DNAH6: variants seen among roughly 807,000 people sequenced by gnomAD.
DNAH6 encodes dynein axonemal heavy chain 6.
Under a neutral mutation model 491.4 loss-of-function variants are expected in DNAH6, and 340 were observed. The observed-to-expected ratio is 0.69, with a 90% CI of 0.63 to 0.76. DNAH6 has a LOEUF of 0.76. DNAH6 is among the 30% of genes least tolerant of loss of function. DNAH6 has a pLI of 0.00. For missense variants in DNAH6, 4,443 were observed against 4,972.2 expected (o/e 0.89, Z 3.20); for synonymous variants, 1,603 against 1,686.1 (o/e 0.95, Z 1.21).
At chr2:84,817,202 T>C (rs985772402) in intron 76 of DNAH6, among the ~76,000 whole-genome samples, 1 of 149,744 alleles carries the variant, frequency 6.7e-6, no homozygotes, top group Admixed American at 6.6e-5. Context: ...AAAAAAATGC[T>C]CAAAATAACC....
chr2:84,566,679 G>A lies in DNAH6; in HGVS notation c.1804-6788G>A, dbSNP rs149132380. 2.0e-4 allele frequency among the ~76,000 whole-genome samples: 31 copies of A among 151,838 alleles called. No individual in the cohort carries two copies. The East Asian group carries it at 2.5e-3, about 12-fold the overall frequency. On this transcript the variant is annotated intron_variant, in intron 11 of 76. Transcript: ENST00000389394. Reference sequence around the variant, plus strand: ...ATAAAGCTTATATGCATAAATAGACGTCTAAGAATAACTACCAAAAATGTT... The same window carrying A: ...ATAAAGCTTATATGCATAAATAGACATCTAAGAATAACTACCAAAAATGTT...
chr2:84,620,669 T>C, intron 24 of DNAH6, among the ~76,000 whole-genome samples: 1 of 152,174 alleles, frequency 6.6e-6, no homozygotes, highest in East Asian at 1.9e-4. Flanking sequence ...TTGATCCTCT[T>C]GCAAAAGAAT....
intron 20 of DNAH6, 49 bp downstream of exon 20, chr2:84,605,641 C>G (rs1436475587): frequency 4.1e-6 from 5 of 1,211,532 alleles, no homozygotes; most frequent in Non-Finnish European, 5.9e-6. Flanking sequence ...CCAGCCACAC[C>G]TAGTCTTAAA....
chr2:84,578,298 T>C (rs536756405), intron 13 of DNAH6, among the ~76,000 whole-genome samples: 4 of 152,246 alleles, frequency 2.6e-5, no homozygotes, highest in South Asian at 4.1e-4. Flanking sequence ...TAATTATGTA[T>C]ATAATTGGAG....
intron 37 of DNAH6, among the ~76,000 whole-genome samples, chr2:84,659,529 A>T (rs1266500007): frequency 1.3e-5 from 2 of 152,224 alleles, no homozygotes; most frequent in Non-Finnish European, 2.9e-5. Flanking sequence ...TGACTAAATA[A>T]GTAAATATGT....
intron 4 of DNAH6, among the ~76,000 whole-genome samples, chr2:84,536,450 C>T (rs1048806790): frequency 4.6e-5 from 7 of 152,032 alleles, no homozygotes; most frequent in Non-Finnish European, 5.9e-5. Context: ...ATTTTTTAGA[C>T]GCTGCTGTGG....
Position 84,584,024 on chromosome 2 carries a change from A to C in DNAH6, c.2255A>C (p.Asn752Thr), listed in dbSNP as rs144590580. The C allele has an allele frequency of 6.2e-7, 1 of 1,614,154 alleles. No individual in the cohort carries two copies. Among genetic ancestry groups the C allele is most frequent in the Non-Finnish European group, 8.5e-7 (1 of 1,179,996 alleles). Residue 752 changes from asparagine to threonine, a missense_variant, in exon 15 of 77, where the codon AAT (asparagine) becomes ACT (threonine). Physicochemically the swap from Asn to Thr is moderately conservative, Grantham distance 65 (BLOSUM62 0). This residue lies in a region of DNAH6 where 2,977 missense variants were observed against 3,296.6 expected (regional missense o/e 0.90). Coordinates refer to ENST00000389394, the MANE Select transcript of DNAH6 (RefSeq NM_001370.2). ...ATTGAAAGCCTTGAAGATGAGGGGA[A>C]TATAGTGACTCAAATGTACAAGCTT... ...ERIESLEDEGNIVTQMYKLME... is the reference protein window; with the variant it reads ...ERIESLEDEGTIVTQMYKLME...
chr2:84,476,542 T>C, the DNAH6 span, among the ~76,000 whole-genome samples: 2 of 152,226 alleles, frequency 1.3e-5, no homozygotes, highest in East Asian at 3.8e-4. Context: ...TTCCTCACAT[T>C]CAGAATCTGA....
rs372662006 is a variant in DNAH6 at position 84,632,815 on chromosome 2, C to T, written c.4516-1689C>T. Among the ~76,000 whole-genome samples, 17 of 152,144 alleles carry T rather than the reference C, an allele frequency of 1.1e-4. No homozygotes were observed. The South Asian group carries it at 2.1e-3, about 19-fold the overall frequency. On this transcript the variant is annotated intron_variant, in intron 29 of 76. Transcript: ENST00000389394. ...TTGTTTTATTTTAGGAATGTGTTTC[C>T]CTCCCAGATCTCTCTGAGGATTCCA...
the DNAH6 span, among the ~76,000 whole-genome samples, chr2:84,507,570 C>A: frequency 6.6e-6 from 1 of 152,072 alleles, no homozygotes; most frequent in Non-Finnish European, 1.5e-5. Flanking sequence ...CTTTCTCCTG[C>A]CTGATTGCCC....
At chr2:84,515,774 G>A (rs1031359974), upstream of DNAH6, among the ~76,000 whole-genome samples, 1 of 152,154 alleles carries the variant, frequency 6.6e-6, no homozygotes, top group African/African-American at 2.4e-5. Context: ...GCCTTCGATG[G>A]GGTCGCTCCA....
chr2:84,589,982 A>T, intron 16 of DNAH6, among the ~76,000 whole-genome samples: 1 of 152,082 alleles, frequency 6.6e-6, no homozygotes, highest in Non-Finnish European at 1.5e-5. Context: ...AGAGCCCCAG[A>T]TGGATGACCA....
chr2:84,737,916 G>A (rs1171106960), intron 62 of DNAH6, among the ~76,000 whole-genome samples: 1 of 151,626 alleles, frequency 6.6e-6, no homozygotes. Context: ...TTAGGTACAA[G>A]GTTAGTTTGT....
intron 26 of DNAH6, 71 bp from the exon 27 acceptor site, chr2:84,624,194 G>T: frequency 7.4e-7 from 1 of 1,346,008 alleles, no homozygotes; most frequent in Non-Finnish European, 9.9e-7. Context: ...CAAATTGAAT[G>T]GTGAAAGAGA....
chr2:84,753,004 A>G (rs1394670135), intron 63 of DNAH6, among the ~76,000 whole-genome samples: 1 of 152,190 alleles, frequency 6.6e-6, no homozygotes, highest in Admixed American at 6.5e-5. Context: ...AGGCTGTATC[A>G]TTTTACATTC....
intron 36 of DNAH6, 140 bp from the exon 37 acceptor site, chr2:84,658,886 G>A (rs572590110): frequency 1.0e-5 from 5 of 498,152 alleles, no homozygotes; most frequent in East Asian, 3.4e-5. Flanking sequence ...ACCATTGAGT[G>A]AAGTATAAGA....
the DNAH6 span, among the ~76,000 whole-genome samples, chr2:84,496,249 T>G: frequency 1.3e-5 from 2 of 152,240 alleles, no homozygotes; most frequent in Admixed American, 1.3e-4. Flanking sequence ...ACTTTAAGCC[T>G]TCTTATGCTA....
intron 46 of DNAH6, 24 bp from the exon 47 acceptor site, chr2:84,697,551 A>T: frequency 6.5e-7 from 1 of 1,527,892 alleles, no homozygotes; most frequent in Non-Finnish European, 8.8e-7. Flanking sequence ...AGCAAGTTGT[A>T]ATGATCACTG....
intron 62 of DNAH6, among the ~76,000 whole-genome samples, chr2:84,742,478 G>C (rs1281395874): frequency 6.6e-6 from 1 of 152,130 alleles, no homozygotes; most frequent in Non-Finnish European, 1.5e-5. Context: ...GGTGCTACTG[G>C]CGTCTGGTGG....
Sources: gnomAD v4.1 joint callset for allele counts (sites outside exome capture counted in the v4.1 genomes callset) on GRCh38, gnomAD v4.1.1 for gene constraint, gnomAD v4.1.1 regional missense constraint, MANE v1.5 for transcripts, NCBI Gene and HGNC (gene_info 2026-07-23, HGNC 2026-07-21) for gene names.